MRPS28: variants seen among roughly 807,000 people sequenced by gnomAD.
The protein encoded by MRPS28 is small ribosomal subunit protein bS1m.
In MRPS28, 7 loss-of-function variants were observed where a neutral mutation model predicts 10.8. The ratio of observed to expected loss-of-function variants is 0.65; its 90% confidence interval spans 0.37 to 1.22. The LOEUF is 1.22. MRPS28 is among the 50% of genes most tolerant of loss of function. The pLI, the probability that MRPS28 is intolerant of heterozygous loss-of-function variation, is 0.02. For missense variants in MRPS28, 265 were observed against 232.9 expected (o/e 1.14, Z -0.90); for synonymous variants, 121 against 93.3 (o/e 1.30, Z -1.71).
intron 2 of MRPS28, among the ~76,000 whole-genome samples, chr8:79,997,627 C>A (rs866756823): frequency 5.3e-5 from 8 of 150,864 alleles, no homozygotes; most frequent in Non-Finnish European, 5.9e-5. Context: ...AAAAAAAAAA[C>A]CAAAGTTTTC....
At chr8:79,982,812 T>C (rs370530565) in intron 2 of MRPS28, among the ~76,000 whole-genome samples, 19 of 152,286 alleles carry the variant, frequency 1.2e-4, no homozygotes, top group Admixed American at 3.9e-4. Context: ...CTTCCTGCCT[T>C]TGTAGGCTCC....
intron 2 of MRPS28, among the ~76,000 whole-genome samples, chr8:79,925,186 T>C (rs1391709843): frequency 6.6e-6 from 1 of 151,400 alleles, no homozygotes; most frequent in Non-Finnish European, 1.5e-5. Flanking sequence ...AATTGAGATA[T>C]AAAAATTATT....
intron 2 of MRPS28, among the ~76,000 whole-genome samples, chr8:79,974,359 T>A (rs1287027996): frequency 6.6e-6 from 1 of 151,908 alleles, no homozygotes. Flanking sequence ...GCTAACACGG[T>A]GACCCCTTGT....
At chr8:80,012,139 C>G (rs754487681) in intron 1 of MRPS28, among the ~76,000 whole-genome samples, 25 of 152,016 alleles carry the variant, frequency 1.6e-4, no homozygotes, top group Non-Finnish European at 2.2e-4. Flanking sequence ...TTTTTTGCCT[C>G]TATTATATTT....
chr8:79,937,548 T>C (rs1806635108), intron 2 of MRPS28, among the ~76,000 whole-genome samples: 1 of 152,196 alleles, frequency 6.6e-6, no homozygotes, highest in Admixed American at 6.5e-5. Context: ...CCTCTAATTT[T>C]CAGAAGGTTG....
chr8:79,998,974 TA>T (rs1165171157), intron 2 of MRPS28, among the ~76,000 whole-genome samples: 1 of 152,230 alleles, frequency 6.6e-6, no homozygotes, highest in African/African-American at 2.4e-5. Flanking sequence ...TCATTGTATT[TA>T]ATTAATCTTT....
chr8:79,998,969 G>A, intron 2 of MRPS28, among the ~76,000 whole-genome samples: 1 of 152,082 alleles, frequency 6.6e-6, no homozygotes, highest in East Asian at 1.9e-4. Context: ...ATTTTTCATT[G>A]TATTTAATTA....
chr8:80,005,836 T>C lies in MRPS28; in HGVS notation c.214-2656A>G, dbSNP rs182484114. Among the ~76,000 whole-genome samples, 74 of 152,284 alleles carry C rather than the reference T, an allele frequency of 4.9e-4. No individual in the cohort carries two copies. In the East Asian group the frequency reaches 8.9e-3, roughly 18 times the overall value. ...CAAAAAAAGGCAGCGGTTGCAATCCTAGTCTCTGATAAAACAGACTTTAAA... is the reference window on the plus strand; with the variant it reads ...CAAAAAAAGGCAGCGGTTGCAATCCCAGTCTCTGATAAAACAGACTTTAAA... On this transcript the variant is annotated intron_variant, in intron 1 of 2. Transcript: ENST00000276585.
intron 2 of MRPS28, among the ~76,000 whole-genome samples, chr8:79,989,149 G>A (rs1004553869): frequency 1.3e-5 from 2 of 152,178 alleles, no homozygotes; most frequent in Non-Finnish European, 2.9e-5. Flanking sequence ...ATGAATGAAC[G>A]GTAATTTGGG....
chr8:79,974,999 A>G (rs1807754922), intron 2 of MRPS28, among the ~76,000 whole-genome samples: 1 of 152,174 alleles, frequency 6.6e-6, no homozygotes, highest in African/African-American at 2.4e-5. Flanking sequence ...TTTCAAATAA[A>G]TAAGGCTAGG....
chr8:80,030,067 T>C lies in MRPS28; in HGVS notation c.182A>G (p.Glu61Gly), dbSNP rs1809615186. 3 of 1,613,538 alleles carry C rather than the reference T, an allele frequency of 1.9e-6. No homozygotes were observed. In the African/African-American group the frequency reaches 4.0e-5, roughly 22 times the overall value. ...GFASALERHS[E>G]LLQKVEPLQK... ...TAGGGGCTCCACCTTCTGTAGAAGC[T>C]CCGAGTGCCGCTCCAACGCGCTCGC... The change falls in exon 1 of 3, where the codon GAG becomes GGG. Residue 61 changes from glutamate (E) to glycine (G), a missense_variant. By Grantham distance (98) the Glu-to-Gly change is moderately conservative (BLOSUM62 -2). Coordinates refer to ENST00000276585, the MANE Select transcript of MRPS28 (RefSeq NM_014018.3).
intron 2 of MRPS28, among the ~76,000 whole-genome samples, chr8:79,950,041 A>T (rs979277635): frequency 1.3e-5 from 2 of 152,174 alleles, no homozygotes; most frequent in Non-Finnish European, 2.9e-5. Context: ...AGAAAAACAC[A>T]TGAAAATATA....
chr8:79,954,112 A>G (rs566512884), intron 2 of MRPS28, among the ~76,000 whole-genome samples: 2 of 152,016 alleles, frequency 1.3e-5, no homozygotes, highest in Non-Finnish European at 2.9e-5. Context: ...GGCACACTAC[A>G]TGCTCCTGTA....
intron 2 of MRPS28, among the ~76,000 whole-genome samples, chr8:79,975,025 G>A (rs896374908): frequency 2.0e-5 from 3 of 152,058 alleles, no homozygotes; most frequent in Non-Finnish European, 1.5e-5. Context: ...TAGCTCACAC[G>A]TATAATCCCA....
In MRPS28 at chr8:79,918,786, G is replaced by T; in HGVS notation, c.*194C>A. On this transcript the variant is annotated 3_prime_UTR_variant, in exon 3 of 3. Coordinates refer to ENST00000276585, the MANE Select transcript of MRPS28 (RefSeq NM_014018.3). ...ACAGTGTATACTATCCCCACCAAAG[G>T]AAAAAAACATTAAGAGCAAAACAAG... 1 of 269,272 alleles carries T rather than the reference G, an allele frequency of 3.7e-6. No individual in the cohort carries two copies. Among genetic ancestry groups the T allele is most frequent in the Non-Finnish European group, 6.2e-6 (1 of 160,340 alleles). 16.7% of individuals were successfully genotyped at this position (269,272 alleles called of 1,614,324 possible).
rs990350486 is a variant in MRPS28 at position 79,989,189 on chromosome 8, A to T, written c.395+13810T>A. On this transcript the variant is annotated intron_variant, in intron 2 of 2. Transcript: ENST00000276585. ...GGAAAAGTACAATAGTTTTAAGGGG[A>T]AACATGCTAAAATGTTTGCAATCTT... Among the ~76,000 whole-genome samples, 15 of 152,302 alleles carry T rather than the reference A, an allele frequency of 9.8e-5. 1 individual carries two copies. Among genetic ancestry groups the T allele is most frequent in the Admixed American group, 9.8e-4 (15 of 15,296 alleles).
intron 2 of MRPS28, among the ~76,000 whole-genome samples, chr8:79,982,447 G>A (rs1317362785): frequency 5.3e-5 from 8 of 152,242 alleles, no homozygotes; most frequent in Non-Finnish European, 8.8e-5. Flanking sequence ...TGCGTGAGCC[G>A]AAGCAGGGCG....
chr8:80,020,287 C>T (rs1809319649), intron 1 of MRPS28, among the ~76,000 whole-genome samples: 1 of 152,128 alleles, frequency 6.6e-6, no homozygotes, highest in Non-Finnish European at 1.5e-5. Flanking sequence ...AGAGTCATTT[C>T]TATCACTAAT....
intron 2 of MRPS28, among the ~76,000 whole-genome samples, chr8:79,946,890 A>G (rs1259548351): frequency 6.6e-6 from 1 of 152,192 alleles, no homozygotes; most frequent in Non-Finnish European, 1.5e-5. Flanking sequence ...AATAGACAAA[A>G]AAGAAAATCA....
Sources: allele counts gnomAD v4.1 joint callset (sites outside exome capture counted in the v4.1 genomes callset), GRCh38; gene constraint gnomAD v4.1.1; transcripts MANE v1.5; gene names NCBI Gene and HGNC (gene_info 2026-07-23, HGNC 2026-07-21).